The following MAN1A1 variants were observed in gnomAD, a reference collection of about 807,000 sequenced individuals.
MAN1A1 encodes mannosidase alpha class 1A member 1.
In MAN1A1, 29 loss-of-function variants were observed where a neutral mutation model predicts 70.8. The ratio of observed to expected loss-of-function variants is 0.41; its 90% CI spans 0.31 to 0.56. The LOEUF (loss-of-function observed/expected upper bound fraction) is 0.56. Ranked by LOEUF, MAN1A1 falls within the 20% of genes least tolerant of loss-of-function variation. MAN1A1 has a pLI of 0.29. For missense variants in MAN1A1, 747 were observed against 841.3 expected (o/e 0.89, Z 1.39); for synonymous variants, 349 against 330.1 (o/e 1.06, Z -0.62).
chr6:119,228,643 GAT>G (rs1427157959), intron 6 of MAN1A1, among the ~76,000 whole-genome samples: 6 of 151,728 alleles, frequency 4.0e-5, no homozygotes, highest in African/African-American at 1.5e-4. Context: ...TAGCCACAAT[GAT>G]ATGAAATTCA....
Position 119,268,911 on chromosome 6 carries a change from C to A in MAN1A1, c.898-20557G>T, listed in dbSNP as rs543387111. Among the ~76,000 whole-genome samples, 172 of 152,210 alleles carry A rather than the reference C, an allele frequency of 1.1e-3. 1 individual carries two copies. Among genetic ancestry groups the A allele is most frequent in the Middle Eastern group, 3.4e-3 (1 of 294 alleles). On this transcript the variant is annotated intron_variant, in intron 5 of 12. Coordinates refer to ENST00000368468, the MANE Select transcript of MAN1A1 (RefSeq NM_005907.4). ...TTTTCTAAAACAACTCTCTCATGAA[C>A]GAGTAGGCCATAGACAAACTACGCC... is the stretch of plus-strand genomic sequence containing the variant.
chr6:119,300,776 G>A (rs895016686), intron 4 of MAN1A1, among the ~76,000 whole-genome samples: 4 of 152,120 alleles, frequency 2.6e-5, no homozygotes, highest in South Asian at 2.1e-4. Flanking sequence ...AATATTGATC[G>A]GAATATTCTC....
intron 6 of MAN1A1, among the ~76,000 whole-genome samples, chr6:119,227,351 G>A (rs986179831): frequency 4.6e-5 from 7 of 152,188 alleles, no homozygotes; most frequent in African/African-American, 1.4e-4. Flanking sequence ...GGCAGTGTCT[G>A]CACAGACGTA....
chr6:119,241,613 C>T (rs965510514), intron 6 of MAN1A1, among the ~76,000 whole-genome samples: 13 of 152,138 alleles, frequency 8.5e-5, no homozygotes, highest in African/African-American at 3.1e-4. Context: ...AAGCACTGTT[C>T]TATTAAAGCT....
intron 4 of MAN1A1, among the ~76,000 whole-genome samples, chr6:119,301,377 T>A (rs1304026885): frequency 1.3e-5 from 2 of 152,218 alleles, no homozygotes; most frequent in Non-Finnish European, 2.9e-5. Flanking sequence ...CTATCCTTAA[T>A]TCTGATTCTT....
At chr6:119,265,703 T>C (rs1775734631) in intron 5 of MAN1A1, among the ~76,000 whole-genome samples, 1 of 152,074 alleles carries the variant, frequency 6.6e-6, no homozygotes, top group Admixed American at 6.5e-5. Context: ...ATAGAAGATT[T>C]CCCACTAACA....
chr6:119,347,860 A>G (rs1210965655), intron 2 of MAN1A1, among the ~76,000 whole-genome samples: 10 of 152,192 alleles, frequency 6.6e-5, no homozygotes, highest in Non-Finnish European at 4.4e-5. Context: ...GGAATACCCT[A>G]TTTCTGGCTG....
upstream of MAN1A1, chr6:119,350,496 C>T: frequency 1.0e-6 from 1 of 984,748 alleles, no homozygotes. Context: ...TATGTCTCTC[C>T]CGCCCACCCG....
chr6:119,297,643 T>C (rs1474623951), intron 4 of MAN1A1, among the ~76,000 whole-genome samples: 2 of 151,896 alleles, frequency 1.3e-5, no homozygotes, highest in African/African-American at 2.4e-5. Context: ...TACTACTCTG[T>C]ATGCTTGTCA....
At chr6:119,338,856 A>T (rs890777160) in intron 2 of MAN1A1, among the ~76,000 whole-genome samples, 1 of 151,836 alleles carries the variant, frequency 6.6e-6, no homozygotes, top group Non-Finnish European at 1.5e-5. Context: ...TAGGGGAAAA[A>T]TTTTTTTTCT....
chr6:119,207,818 G>GTC (rs1432275631), intron 6 of MAN1A1, among the ~76,000 whole-genome samples: 1 of 152,162 alleles, frequency 6.6e-6, no homozygotes, highest in Non-Finnish European at 1.5e-5. Context: ...CCTTGGTCTG[G>GTC]TGGAGAGGGG....
At chr6:119,263,739 C>T (rs1467774262) in intron 5 of MAN1A1, among the ~76,000 whole-genome samples, 1 of 151,828 alleles carries the variant, frequency 6.6e-6, no homozygotes, top group Non-Finnish European at 1.5e-5. Context: ...CAACAACAAA[C>T]AAAATACAAA....
chr6:119,305,786 T>A (rs903972966), intron 3 of MAN1A1, among the ~76,000 whole-genome samples: 1 of 152,194 alleles, frequency 6.6e-6, no homozygotes, highest in Admixed American at 6.5e-5. Flanking sequence ...TGTAAAGACC[T>A]GTGCAAAGAC....
chr6:119,269,273 G>T, intron 5 of MAN1A1: 2 of 284,780 alleles, frequency 7.0e-6, no homozygotes, highest in Non-Finnish European at 1.4e-5. Context: ...CTCCTGGGTG[G>T]CTGTCACTGC....
rs63362861 is a variant in MAN1A1, at chr6:119,185,844, GTTTT to G, written c.1719+2557_1719+2560del. Reference sequence around the variant, plus strand: ...ATGATCCACCCACTTTGGCCTCCCAGTTTTTTTTTTTTTTTTTTTTTAAATATAA... The same window carrying G: ...ATGATCCACCCACTTTGGCCTCCCAGTTTTTTTTTTTTTTTTTAAATATAA... On this transcript the variant is annotated intron_variant, in intron 11 of 12. Coordinates refer to ENST00000368468, the MANE Select transcript of MAN1A1 (RefSeq NM_005907.4). Among the ~76,000 whole-genome samples, 46 of 132,158 alleles carry G rather than the reference GTTTT, an allele frequency of 3.5e-4. 1 individual carries two copies. The highest frequency in any genetic ancestry group is 6.0e-4 in the Admixed American group (8 of 13,236). 86.7% of individuals were successfully genotyped at this position (132,158 alleles called of 152,430 possible). A position where few individuals can be genotyped will look rare whatever the true frequency, so the allele number is the denominator to read the frequency against.
At chr6:119,198,174 A>C (rs907774057) in intron 8 of MAN1A1, among the ~76,000 whole-genome samples, 2 of 152,222 alleles carry the variant, frequency 1.3e-5, no homozygotes, top group African/African-American at 4.8e-5. Context: ...GGATCACCTG[A>C]GGTCAGGAGT....
At chr6:119,299,624 T>C (rs1772330212) in intron 4 of MAN1A1, among the ~76,000 whole-genome samples, 1 of 151,982 alleles carries the variant, frequency 6.6e-6, no homozygotes, top group South Asian at 2.1e-4. Context: ...AACTTCAAAG[T>C]TCAGTATCTT....
intron 5 of MAN1A1, among the ~76,000 whole-genome samples, chr6:119,281,563 C>T (rs911985601): frequency 6.6e-6 from 1 of 152,200 alleles, no homozygotes; most frequent in Non-Finnish European, 1.5e-5. Context: ...TAGATGGCAG[C>T]TGCCCCAGCA....
chr6:119,218,327 C>T (rs1185507466), intron 6 of MAN1A1, among the ~76,000 whole-genome samples: 1 of 152,044 alleles, frequency 6.6e-6, no homozygotes, highest in Admixed American at 6.6e-5. Context: ...CCCTGAAAAT[C>T]TGTACAATAA....
Sources: gnomAD v4.1 joint callset for allele counts (sites outside exome capture counted in the v4.1 genomes callset) on GRCh38, gnomAD v4.1.1 for gene constraint, MANE v1.5 for transcripts, NCBI Gene and HGNC (gene_info 2026-07-23, HGNC 2026-07-21) for gene names.